The following ZNF609 variants were observed in gnomAD, a reference collection of about 807,000 sequenced individuals.
The protein encoded by ZNF609 is zinc finger protein 609.
Under a neutral mutation model 109.5 loss-of-function variants are expected in ZNF609, and 11 were observed. The observed-to-expected ratio is 0.10, with a 90% CI of 0.06 to 0.17. The LOEUF is 0.17. ZNF609 is among the 10% of genes least tolerant of loss of function. The probability of loss-of-function intolerance (pLI) is 1.00; values close to 1 mark genes in which losing one functional copy is unlikely to be tolerated. For missense variants in ZNF609, 1,559 were observed against 1,772.4 expected, an observed-to-expected ratio of 0.88 and a Z score of 2.16; for synonymous variants, 646 against 662.0, an observed-to-expected ratio of 0.98 and a Z score of 0.37.
At chr15:64,605,358 A>C (rs774652687) in intron 2 of ZNF609, among the ~76,000 whole-genome samples, 55 of 152,200 alleles carry the variant, frequency 3.6e-4, no homozygotes, top group African/African-American at 1.3e-3. Context: ...CCCTGCTAGA[A>C]GAAGGGAGGG....
chr15:64,591,975 C>G (rs1895306841), intron 2 of ZNF609, among the ~76,000 whole-genome samples: 1 of 152,046 alleles, frequency 6.6e-6, no homozygotes, highest in African/African-American at 2.4e-5. Context: ...TCCCAAAGTG[C>G]TGGGATTGCG....
At chr15:64,609,254 C>G (rs952966615) in intron 2 of ZNF609, among the ~76,000 whole-genome samples, 6 of 151,276 alleles carry the variant, frequency 4.0e-5, no homozygotes, top group African/African-American at 1.5e-4. Context: ...GGTGCAGTCT[C>G]GGCTCACTGC....
chr15:64,649,045 A>G (rs1896376553), intron 3 of ZNF609, among the ~76,000 whole-genome samples: 1 of 152,164 alleles, frequency 6.6e-6, no homozygotes, highest in Non-Finnish European at 1.5e-5. Context: ...AGAATTTGAA[A>G]TGACTCCAGC....
At chr15:64,573,526 A>ATT (rs61063013) in intron 2 of ZNF609, among the ~76,000 whole-genome samples, 4 of 140,158 alleles carry the variant, frequency 2.9e-5, no homozygotes, top group African/African-American at 7.7e-5. Flanking sequence ...GGCTAATTTA[A>ATT]TTTTTTTTTT....
intron 2 of ZNF609, among the ~76,000 whole-genome samples, chr15:64,562,526 C>T (rs767935458): frequency 4.6e-5 from 7 of 152,136 alleles, no homozygotes; most frequent in Non-Finnish European, 8.8e-5. Flanking sequence ...ATGTGACACC[C>T]ACACCGGGCT....
In ZNF609 at chr15:64,522,111, T is replaced by A. The variant is rs147885592; in HGVS notation, c.747+21945T>A. Reference sequence around the variant, plus strand: ...ATGCCCCCGGGGCAAACTCTGTACTTGGCAAGTGAGAATGCCTTGACCTTG... The same window carrying A: ...ATGCCCCCGGGGCAAACTCTGTACTAGGCAAGTGAGAATGCCTTGACCTTG... On this transcript the variant is annotated intron_variant, in intron 2 of 9. Coordinates refer to ENST00000326648, the MANE Select transcript of ZNF609 (RefSeq NM_015042.2). Among the ~76,000 whole-genome samples the A allele has an allele frequency of 3.2e-3, 488 of 152,340 alleles. 1 individual carries two copies. The highest frequency in any genetic ancestry group is 5.3e-3 in the Admixed American group (81 of 15,300).
At chr15:64,558,945 G>T (rs1167812045) in intron 2 of ZNF609, among the ~76,000 whole-genome samples, 2 of 150,418 alleles carry the variant, frequency 1.3e-5, no homozygotes, top group African/African-American at 4.9e-5. Context: ...TCTGGACCTT[G>T]ACCCAAGAAG....
chr15:64,659,468 G>A (rs574369175), intron 3 of ZNF609, among the ~76,000 whole-genome samples: 2 of 152,276 alleles, frequency 1.3e-5, no homozygotes, highest in East Asian at 3.9e-4. Flanking sequence ...ATTGGAAGAA[G>A]GAAGTTGGAT....
At chr15:64,649,951 C>T (rs905539234) in intron 3 of ZNF609, among the ~76,000 whole-genome samples, 1 of 151,912 alleles carries the variant, frequency 6.6e-6, no homozygotes, top group Non-Finnish European at 1.5e-5. Flanking sequence ...ATATAGCAGT[C>T]ATAGGGACAC....
At chr15:64,588,883 A>C in intron 2 of ZNF609, among the ~76,000 whole-genome samples, 1 of 152,004 alleles carries the variant, frequency 6.6e-6, no homozygotes, top group Non-Finnish European at 1.5e-5. Context: ...GGTTCGGGTT[A>C]TCCACCTGCC....
intron 1 of ZNF609, among the ~76,000 whole-genome samples, chr15:64,481,701 A>G (rs998296272): frequency 7.2e-5 from 11 of 152,234 alleles, no homozygotes; most frequent in African/African-American, 2.7e-4. Flanking sequence ...ACTGATTAGG[A>G]ACAACCTAGA....
chr15:64,670,484 G>A (rs1416303873), intron 4 of ZNF609, 51 bp downstream of exon 4: 4 of 1,466,520 alleles, frequency 2.7e-6, no homozygotes, highest in Non-Finnish European at 3.8e-6. Flanking sequence ...ACACTAATTG[G>A]TGATCCCTTA....
Position 64,465,028 on chromosome 15 carries a change from C to T in ZNF609, c.-128+4190C>T, listed in dbSNP as rs373202471. Among the ~76,000 whole-genome samples, 4 of 151,800 alleles carry T rather than the reference C, an allele frequency of 2.6e-5. No homozygotes were observed. In the East Asian group the frequency reaches 7.8e-4, roughly 30 times the overall value. ...TGTAACTGTGGTTTTTTAGATCACT[C>T]AGTAGCATGCCCTAGACATGGCCCT... On this transcript the variant is annotated intron_variant, in intron 1 of 9. Transcript: ENST00000326648.
At chr15:64,567,335 A>G (rs964660064) in intron 2 of ZNF609, among the ~76,000 whole-genome samples, 1 of 151,936 alleles carries the variant, frequency 6.6e-6, no homozygotes, top group Non-Finnish European at 1.5e-5. Context: ...TACAAAAATT[A>G]GCTGGACGTG....
At chr15:64,557,923 A>G (rs1225942728) in intron 2 of ZNF609, among the ~76,000 whole-genome samples, 1 of 152,012 alleles carries the variant, frequency 6.6e-6, no homozygotes, top group Non-Finnish European at 1.5e-5. Flanking sequence ...TGACCTCGTG[A>G]TCCGCCCGCC....
chr15:64,486,016 C>T (rs889475950), intron 1 of ZNF609, among the ~76,000 whole-genome samples: 2 of 152,044 alleles, frequency 1.3e-5, no homozygotes, highest in African/African-American at 4.8e-5. Flanking sequence ...TTTTCACCAC[C>T]ACAGTCAAGA....
Position 64,602,607 on chromosome 15 carries a change from C to T in ZNF609, c.748-20220C>T, listed in dbSNP as rs1895517709. Among the ~76,000 whole-genome samples, 4 of 151,656 alleles carry T rather than the reference C, an allele frequency of 2.6e-5. No individual in the cohort carries two copies. In the South Asian group the frequency reaches 8.3e-4, roughly 32 times the overall value. On this transcript the variant is annotated intron_variant, in intron 2 of 9. Coordinates refer to ENST00000326648, the MANE Select transcript of ZNF609 (RefSeq NM_015042.2). ...TTTAAATGTTGATGTTCCTTGGGTT[C>T]TCTCAGATTGCCTTCTTTTTTCTCT...
At chr15:64,566,521 G>A (rs1035178898) in intron 2 of ZNF609, among the ~76,000 whole-genome samples, 1 of 152,182 alleles carries the variant, frequency 6.6e-6, no homozygotes, top group Non-Finnish European at 1.5e-5. Flanking sequence ...AGAATAGGTG[G>A]CCATGATGTG....
At chr15:64,631,591 G>C (rs1896079871) in intron 3 of ZNF609, 1 of 446,126 alleles carries the variant, frequency 2.2e-6, no homozygotes, top group African/African-American at 2.0e-5. Flanking sequence ...GGAGTGCAAT[G>C]GCGCAATCTC....
Sources: gnomAD v4.1 joint callset for allele counts (sites outside exome capture counted in the v4.1 genomes callset) on GRCh38, gnomAD v4.1.1 for gene constraint, MANE v1.5 for transcripts, NCBI Gene and HGNC (gene_info 2026-07-23, HGNC 2026-07-21) for gene names.